Variants in DTNA observed in about 807,000 individuals in gnomAD.
The protein encoded by DTNA is dystrobrevin alpha, also known as dystrophin-related protein 3.
DTNA carries 43 observed loss-of-function variants against 100.7 expected under a neutral mutation model. The ratio of observed to expected loss-of-function variants is 0.43; its 90% CI spans 0.33 to 0.55. The LOEUF is 0.55. Among genes scored for constraint, DTNA ranks in the 20% least tolerant of loss-of-function variants. DTNA has a pLI of 0.04. For missense variants in DTNA, 798 were observed against 953.9 expected (o/e 0.84, Z 2.15); for synonymous variants, 349 against 347.9 (o/e 1.00, Z -0.04).
Position 34,542,556 on chromosome 18 carries a change from C to T in DTNA, c.-2+49042C>T, listed in dbSNP as rs2044350022. On this transcript the variant is annotated intron_variant, in intron 1 of 19. Transcript: ENST00000283365. Reference sequence around the variant, plus strand: ...TGCCAAAGTGTTTCACTTAGCATGCCTCCCAGTGGAAGCAGAGGTGGAATC... The same window carrying T: ...TGCCAAAGTGTTTCACTTAGCATGCTTCCCAGTGGAAGCAGAGGTGGAATC... 2.0e-5 allele frequency among the ~76,000 whole-genome samples: 3 copies of T among 152,106 alleles called. No individual in the cohort carries two copies. In the South Asian group the frequency reaches 6.2e-4, roughly 32 times the overall value.
chr18:34,663,749 T>G (rs958078921), intron 1 of DTNA, among the ~76,000 whole-genome samples: 1 of 152,204 alleles, frequency 6.6e-6, no homozygotes, highest in Non-Finnish European at 1.5e-5. Flanking sequence ...AACTTTCAAG[T>G]AGAAATTAGA....
At chr18:34,874,566 C>T (rs2096796405) in intron 17 of DTNA, among the ~76,000 whole-genome samples, 1 of 152,176 alleles carries the variant, frequency 6.6e-6, no homozygotes, top group Non-Finnish European at 1.5e-5. Context: ...TGCTAGAATA[C>T]TGCTTTTTCA....
chr18:34,792,912 G>T (rs552801430), intron 3 of DTNA, among the ~76,000 whole-genome samples: 1 of 152,076 alleles, frequency 6.6e-6, no homozygotes, highest in East Asian at 1.9e-4. Context: ...ATTGTTCATA[G>T]CAATTTTATT....
chr18:34,735,465 C>T (rs1049462061), intron 1 of DTNA, among the ~76,000 whole-genome samples: 4 of 152,172 alleles, frequency 2.6e-5, no homozygotes, highest in African/African-American at 9.7e-5. Context: ...ATGCCAGGCT[C>T]TTAGGGACTA....
At chr18:34,748,251 A>G (rs934321929) in intron 1 of DTNA, among the ~76,000 whole-genome samples, 2 of 151,944 alleles carry the variant, frequency 1.3e-5, no homozygotes, top group Non-Finnish European at 2.9e-5. Context: ...CTCCCACTAT[A>G]TGGGTTTTCT....
intron 1 of DTNA, among the ~76,000 whole-genome samples, chr18:34,602,284 G>A (rs2052030111): frequency 6.6e-6 from 1 of 152,142 alleles, no homozygotes; most frequent in Non-Finnish European, 1.5e-5. Flanking sequence ...GTCCTTGGAA[G>A]CCAATAATTT....
At chr18:34,839,465 T>C (rs977425870) in intron 13 of DTNA, among the ~76,000 whole-genome samples, 5 of 152,320 alleles carry the variant, frequency 3.3e-5, no homozygotes, top group African/African-American at 1.2e-4. Context: ...GATAAAGCCA[T>C]TCAAAAGGCT....
chr18:34,838,357 C>T (rs1252683035), intron 12 of DTNA, among the ~76,000 whole-genome samples, 186 bp downstream of exon 12: 1 of 152,206 alleles, frequency 6.6e-6, no homozygotes. Flanking sequence ...TATTCACTTT[C>T]CCGAATTTGT....
chr18:34,659,663 T>C lies in DTNA; in HGVS notation c.-1-96313T>C, dbSNP rs1171053444. Among the ~76,000 whole-genome samples, 8 of 151,956 alleles carry C rather than the reference T, an allele frequency of 5.3e-5. No homozygotes were observed. The East Asian group carries it at 1.5e-3, about 29-fold the overall frequency. On this transcript the variant is annotated intron_variant, in intron 1 of 19. Coordinates refer to the DTNA transcript ENST00000283365. ...ACACACACACACACACACACTCATT[T>C]AACATCTGGGTTTTAACAACCTATT...
At chr18:34,749,590 C>G (rs1169656661) in intron 1 of DTNA, among the ~76,000 whole-genome samples, 1 of 151,192 alleles carries the variant, frequency 6.6e-6, no homozygotes, top group Non-Finnish European at 1.5e-5. Context: ...CCCGGATAAC[C>G]CATCTAGCTG....
At chr18:34,760,423 G>A (rs2093068773) in intron 2 of DTNA, among the ~76,000 whole-genome samples, 1 of 152,050 alleles carries the variant, frequency 6.6e-6, no homozygotes, top group Admixed American at 6.6e-5. Context: ...TACCTTTATT[G>A]CTATAACCCT....
intron 1 of DTNA, among the ~76,000 whole-genome samples, chr18:34,562,954 A>G (rs1598602389): frequency 6.6e-6 from 1 of 152,190 alleles, no homozygotes; most frequent in African/African-American, 2.4e-5. Context: ...CAAATTGCAA[A>G]TTAGGAAAAG....
At chr18:34,614,570 G>C (rs1472692462) in intron 1 of DTNA, among the ~76,000 whole-genome samples, 7 of 152,168 alleles carry the variant, frequency 4.6e-5, no homozygotes, top group African/African-American at 1.7e-4. Context: ...AGAAGAAGTT[G>C]ATTTCAACCC....
chr18:34,725,941 C>T (rs1352599690), intron 1 of DTNA, among the ~76,000 whole-genome samples: 1 of 152,118 alleles, frequency 6.6e-6, no homozygotes, highest in African/African-American at 2.4e-5. Context: ...AGTTCATATC[C>T]TTTTCGGGGA....
chr18:34,592,502 A>ACACACACACACG (rs1371552393), intron 1 of DTNA, among the ~76,000 whole-genome samples: 1,641 of 150,586 alleles, frequency 0.011, 13 homozygotes, highest in Middle Eastern at 0.017. Context: ...ACACACACAC[A>ACACACACACACG]CACATTTTGT....
intron 3 of DTNA, among the ~76,000 whole-genome samples, chr18:34,777,157 T>C (rs543475055): frequency 1.7e-3 from 260 of 152,354 alleles, no homozygotes; most frequent in Middle Eastern, 3.4e-3. Flanking sequence ...TTAGTTGTTA[T>C]GTTTATTACA....
rs35456039 is a variant in DTNA, at chr18:34,824,932, TAA to T, written c.1002-2641_1002-2640del. ...ATTTTACAGGTAGCCTTAGATACAG[TAA>T]AAAAAAAAAAAAAAAAAAATTAAAT... On this transcript the variant is annotated intron_variant, in intron 9 of 22. Transcript: ENST00000444659. Among the ~76,000 whole-genome samples, 476 of 96,818 alleles carry T rather than the reference TAA, an allele frequency of 4.9e-3. 2 individuals are homozygous for T. The highest frequency in any genetic ancestry group is 7.3e-3 in the Non-Finnish European group (337 of 46,040). The allele number at this position is 96,818 out of a possible 152,430, so 63.5% of individuals were successfully genotyped here. A position where few individuals can be genotyped will look rare whatever the true frequency, so the allele number is the denominator to read the frequency against.
intron 1 of DTNA, among the ~76,000 whole-genome samples, chr18:34,730,783 C>T (rs930717989): frequency 1.3e-5 from 2 of 152,142 alleles, no homozygotes; most frequent in Non-Finnish European, 2.9e-5. Context: ...TCTCTTTTCC[C>T]CCTTTATCAA....
At chr18:34,765,021 A>G (rs534531234) in intron 2 of DTNA, among the ~76,000 whole-genome samples, 1 of 152,208 alleles carries the variant, frequency 6.6e-6, no homozygotes, top group Non-Finnish European at 1.5e-5. Context: ...CAAGCAGCCC[A>G]TCTGCAGGGT....
Sources: allele counts gnomAD v4.1 joint callset (sites outside exome capture counted in the v4.1 genomes callset), GRCh38; gene constraint gnomAD v4.1.1; transcripts MANE v1.5; gene names NCBI Gene and HGNC (gene_info 2026-07-23, HGNC 2026-07-21).